The following IFT81 variants were observed in gnomAD, a reference collection of about 807,000 sequenced individuals.
IFT81 encodes intraflagellar transport protein 81 homolog.
IFT81 carries 72 observed loss-of-function variants against 102.6 expected under a neutral mutation model. The ratio of observed to expected loss-of-function variants is 0.70; its 90% CI spans 0.58 to 0.85. The LOEUF is 0.85. IFT81 is among the 40% of genes least tolerant of loss of function. The pLI, the probability that IFT81 is intolerant of heterozygous loss-of-function variation, is 0.00. For missense variants in IFT81, 723 were observed against 787.3 expected (o/e 0.92, Z 0.98); for synonymous variants, 237 against 242.7 (o/e 0.98, Z 0.22).
chr12:110,191,940 G>A (rs1897816218), intron 13 of IFT81, among the ~76,000 whole-genome samples: 1 of 152,064 alleles, frequency 6.6e-6, no homozygotes. Flanking sequence ...GGAGGCCGAG[G>A]CGGGAGGATC....
chr12:110,186,790 A>G (rs1192619561), intron 12 of IFT81, among the ~76,000 whole-genome samples: 1 of 152,070 alleles, frequency 6.6e-6, no homozygotes, highest in African/African-American at 2.4e-5. Context: ...CTTGCCTCCC[A>G]AGGCTGGGCT....
intron 14 of IFT81, among the ~76,000 whole-genome samples, chr12:110,199,870 G>A (rs1189647375): frequency 9.2e-5 from 14 of 152,178 alleles, no homozygotes; most frequent in African/African-American, 3.4e-4. Flanking sequence ...TCATTCTCGG[G>A]ATGGTGTTAA....
intron 7 of IFT81, among the ~76,000 whole-genome samples, chr12:110,135,855 A>G (rs1256182532): frequency 2.1e-5 from 3 of 142,122 alleles, no homozygotes; most frequent in Non-Finnish European, 4.5e-5. Context: ...CAACAGAGTG[A>G]GACTTTGTCT....
intron 12 of IFT81, among the ~76,000 whole-genome samples, chr12:110,187,617 T>C (rs2137536827): frequency 6.6e-6 from 1 of 152,298 alleles, no homozygotes; most frequent in South Asian, 2.1e-4. Context: ...CTTTGCTTAC[T>C]TGGTAATTTT....
At chr12:110,184,122 G>A (rs532637911) in intron 12 of IFT81, among the ~76,000 whole-genome samples, 6 of 152,116 alleles carry the variant, frequency 3.9e-5, no homozygotes, top group Non-Finnish European at 5.9e-5. Context: ...AGGCCGAGGC[G>A]GGTGGATCAC....
At chr12:110,192,501 G>T in intron 13 of IFT81, 116 bp from the exon 14 acceptor site, 2 of 572,024 alleles carry the variant, frequency 3.5e-6, no homozygotes, top group Non-Finnish European at 6.3e-6. Context: ...TGGGACTGAA[G>T]TAATTTGCAG....
At chr12:110,197,248 G>GTAGATAGATAGATAGA (rs57797208) in intron 14 of IFT81, among the ~76,000 whole-genome samples, 5 of 147,044 alleles carry the variant, frequency 3.4e-5, no homozygotes, top group South Asian at 2.2e-4. Context: ...AGGTAGGTAG[G>GTAGATAGATAGATAGA]TAGATAGATA....
At chr12:110,140,453 CT>C (rs1232155005) in intron 8 of IFT81, among the ~76,000 whole-genome samples, 1 of 152,174 alleles carries the variant, frequency 6.6e-6, no homozygotes, top group Non-Finnish European at 1.5e-5. Flanking sequence ...CATGGATTTG[CT>C]TTCTGTCACT....
chr12:110,208,791 T>C (rs1869023427), intron 17 of IFT81, among the ~76,000 whole-genome samples: 1 of 152,182 alleles, frequency 6.6e-6, no homozygotes, highest in Admixed American at 6.5e-5. Flanking sequence ...AATTGCAAGA[T>C]TACATGCTAC....
At chr12:110,195,235 G>A (rs1339446175) in intron 14 of IFT81, among the ~76,000 whole-genome samples, 1 of 151,960 alleles carries the variant, frequency 6.6e-6, no homozygotes, top group Non-Finnish European at 1.5e-5. Context: ...TCATGTGTGT[G>A]TGTTCTGGCT....
chr12:110,141,101 C>T (rs184465822), intron 8 of IFT81, among the ~76,000 whole-genome samples: 5 of 151,540 alleles, frequency 3.3e-5, no homozygotes, highest in South Asian at 2.1e-4. Context: ...CTTGGCTCAC[C>T]GCAACCTCTG....
At chr12:110,188,756 C>T (rs1475826104) in intron 12 of IFT81, among the ~76,000 whole-genome samples, 1 of 149,444 alleles carries the variant, frequency 6.7e-6, no homozygotes, top group African/African-American at 2.5e-5. Flanking sequence ...AACCCTATCT[C>T]TACTAAAAAT....
intron 4 of IFT81, among the ~76,000 whole-genome samples, chr12:110,131,321 G>T (rs1407554358): frequency 6.6e-6 from 1 of 151,844 alleles, no homozygotes; most frequent in Non-Finnish European, 1.5e-5. Flanking sequence ...AAATTTTTAG[G>T]TAACAGGATT....
At chr12:110,151,067 T>C (rs1895498234) in intron 10 of IFT81, among the ~76,000 whole-genome samples, 1 of 152,176 alleles carries the variant, frequency 6.6e-6, no homozygotes, top group South Asian at 2.1e-4. Context: ...AAGTGTACAC[T>C]TCAGTGGTAT....
At chr12:110,201,244 A>G (rs897180042) in intron 14 of IFT81, among the ~76,000 whole-genome samples, 35 of 151,644 alleles carry the variant, frequency 2.3e-4, no homozygotes, top group Middle Eastern at 3.4e-3. Context: ...CTCTACTAAA[A>G]ATACGAAATT....
intron 11 of IFT81, chr12:110,168,926 A>G (rs1896586579): frequency 6.6e-6 from 1 of 152,140 alleles, no homozygotes; most frequent in African/African-American, 2.4e-5. Flanking sequence ...TTCACTGATA[A>G]GAATGGCTCA....
At chr12:110,154,420 T>A (rs1489134027) in intron 10 of IFT81, among the ~76,000 whole-genome samples, 4 of 151,442 alleles carry the variant, frequency 2.6e-5, no homozygotes, top group Non-Finnish European at 4.4e-5. Context: ...CACATGAGGC[T>A]AGGAGTTCAA....
chr12:110,193,441 G>A (rs1338348716), intron 14 of IFT81, among the ~76,000 whole-genome samples: 5 of 152,250 alleles, frequency 3.3e-5, no homozygotes, highest in Middle Eastern at 3.4e-3. Context: ...GAGGCACGGT[G>A]CACAGCAAAC....
chr12:110,175,692 C>T (rs114401797), intron 11 of IFT81, among the ~76,000 whole-genome samples: 2,252 of 152,176 alleles, frequency 0.015, 63 homozygotes, highest in African/African-American at 0.052. Context: ...TTTTCCAGAC[C>T]ATTGCTCTAA....
Sources: gnomAD v4.1 joint callset for allele counts (sites outside exome capture counted in the v4.1 genomes callset) on GRCh38, gnomAD v4.1.1 for gene constraint, MANE v1.5 for transcripts, NCBI Gene and HGNC (gene_info 2026-07-23, HGNC 2026-07-21) for gene names.